The following NAALADL2 variants were observed in gnomAD, a reference collection of about 807,000 sequenced individuals.
NAALADL2 encodes the protein inactive N-acetylated-alpha-linked acidic dipeptidase-like protein 2.
NAALADL2 carries 76 observed loss-of-function variants against 87.2 expected under a neutral mutation model. That is an observed-to-expected ratio of 0.87 (90% CI 0.72 to 1.05). The LOEUF (loss-of-function observed/expected upper bound fraction) is 1.05. Among genes scored for constraint, NAALADL2 ranks in the 50% least tolerant of loss-of-function variants. The pLI is 0.00. For synonymous variants in NAALADL2, 354 were observed against 331.0 expected (o/e 1.07, Z -0.75); for missense variants, 1,089 against 945.8 (o/e 1.15, Z -1.99).
chr3:174,652,804 G>A (rs968559216), intron 2 of NAALADL2, among the ~76,000 whole-genome samples: 2 of 151,944 alleles, frequency 1.3e-5, no homozygotes, highest in Non-Finnish European at 2.9e-5. Context: ...ACCACTGAGA[G>A]AAGATATTTA....
At chr3:175,215,352 G>T (rs548878089) in intron 2 of NAALADL2, among the ~76,000 whole-genome samples, 6 of 152,132 alleles carry the variant, frequency 3.9e-5, no homozygotes, top group Non-Finnish European at 7.4e-5. Context: ...CCCAGCACTT[G>T]AATCATACCC....
At chr3:174,557,917 A>G (rs1416900105) in intron 2 of NAALADL2, among the ~76,000 whole-genome samples, 1 of 152,136 alleles carries the variant, frequency 6.6e-6, no homozygotes, top group Non-Finnish European at 1.5e-5. Context: ...TTCCTCCAGC[A>G]ATGATTTGTG....
At chr3:175,193,095 C>G (rs966918056) in intron 2 of NAALADL2, among the ~76,000 whole-genome samples, 1 of 151,752 alleles carries the variant, frequency 6.6e-6, no homozygotes, top group African/African-American at 2.4e-5. Flanking sequence ...CTTTTGTAAT[C>G]TTTATATTTT....
At chr3:175,133,540 C>A (rs376795844) in intron 2 of NAALADL2, among the ~76,000 whole-genome samples, 1 of 152,190 alleles carries the variant, frequency 6.6e-6, no homozygotes, top group Admixed American at 6.5e-5. Context: ...GTCAACACAG[C>A]GAAACCCCGT....
At chr3:174,940,860 C>A in intron 1 of NAALADL2, among the ~76,000 whole-genome samples, 1 of 151,888 alleles carries the variant, frequency 6.6e-6, no homozygotes, top group East Asian at 1.9e-4. Flanking sequence ...GGTAGCATTC[C>A]TTTTCTCATT....
chr3:175,271,722 GA>G (rs1752873091), intron 4 of NAALADL2, among the ~76,000 whole-genome samples: 1 of 152,192 alleles, frequency 6.6e-6, no homozygotes, highest in South Asian at 2.1e-4. Context: ...AACAAGGGGG[GA>G]GGCAGAGGTT....
At chr3:174,535,299 T>A (rs1173301288) in intron 1 of NAALADL2, among the ~76,000 whole-genome samples, 1 of 152,162 alleles carries the variant, frequency 6.6e-6, no homozygotes, top group Non-Finnish European at 1.5e-5. Flanking sequence ...ACTTTTATGG[T>A]CAACCTGAGT....
At chr3:175,351,306 A>G (rs1244834108) in intron 5 of NAALADL2, among the ~76,000 whole-genome samples, 3 of 152,060 alleles carry the variant, frequency 2.0e-5, no homozygotes, top group Admixed American at 6.6e-5. Flanking sequence ...GACACTATAT[A>G]TATGTTCATG....
intron 3 of NAALADL2, among the ~76,000 whole-genome samples, chr3:174,806,151 C>T (rs929143177): frequency 1.4e-4 from 22 of 152,122 alleles, no homozygotes; most frequent in African/African-American, 4.1e-4. Context: ...GGGCTTCTCC[C>T]AAAGCCCATT....
intron 1 of NAALADL2, among the ~76,000 whole-genome samples, chr3:175,075,378 C>A (rs73883340): frequency 0.17 from 25,145 of 152,052 alleles, 2,911 homozygotes; most frequent in African/African-American, 0.32. Flanking sequence ...AAAAAGGAAA[C>A]TACAAAGTAA....
At chr3:174,758,849 A>G (rs1023028135) in intron 3 of NAALADL2, among the ~76,000 whole-genome samples, 4 of 152,214 alleles carry the variant, frequency 2.6e-5, no homozygotes, top group African/African-American at 9.6e-5. Context: ...ATACTGCTGC[A>G]TCCCTAGTTT....
At chr3:174,462,650 A>G (rs111737630) in intron 1 of NAALADL2, among the ~76,000 whole-genome samples, 1 of 152,140 alleles carries the variant, frequency 6.6e-6, no homozygotes, top group East Asian at 1.9e-4. Flanking sequence ...AGGTGTCAAG[A>G]TATGCGTCTT....
At chr3:174,728,860 G>A (rs1448693661) in intron 2 of NAALADL2, among the ~76,000 whole-genome samples, 3 of 152,022 alleles carry the variant, frequency 2.0e-5, no homozygotes, top group East Asian at 1.9e-4. Flanking sequence ...GATGGAGCTG[G>A]CATTGTAAAT....
rs1386080215 is a variant in NAALADL2, at chr3:175,130,800, TTACTG to T, written c.545+33512_545+33516del. ...TTATTCTAGTGGCACACTATTTTGA[TTACTG>T]TAGCTTTGTAATATAGTTTGAAATC... is the stretch of plus-strand genomic sequence containing the variant. On this transcript the variant is annotated intron_variant, in intron 2 of 13. Coordinates refer to ENST00000454872, the MANE Select transcript of NAALADL2 (RefSeq NM_207015.3). Among the ~76,000 whole-genome samples, 3 of 152,342 alleles carry T rather than the reference TTACTG, an allele frequency of 2.0e-5. 1 individual carries two copies. The highest frequency in any genetic ancestry group is 6.8e-3 in the Middle Eastern group (2 of 294).
At chr3:174,818,696 G>A (rs940057) in intron 3 of NAALADL2, among the ~76,000 whole-genome samples, 2,902 of 152,206 alleles carry the variant, frequency 0.019, 101 homozygotes, top group African/African-American at 0.065. Flanking sequence ...AAGATTGACT[G>A]TAAAAAGATT....
At chr3:175,739,441 C>T (rs1312895098) in intron 12 of NAALADL2, among the ~76,000 whole-genome samples, 1 of 152,134 alleles carries the variant, frequency 6.6e-6, no homozygotes, top group East Asian at 1.9e-4. Context: ...TTTTAATTAA[C>T]ATAGGCTAAT....
chr3:175,015,915 A>C (rs913804971), intron 1 of NAALADL2, among the ~76,000 whole-genome samples: 1 of 151,902 alleles, frequency 6.6e-6, no homozygotes, highest in African/African-American at 2.4e-5. Context: ...CATGTGTTTA[A>C]CTTAATTGTT....
intron 9 of NAALADL2, among the ~76,000 whole-genome samples, chr3:175,571,972 G>C (rs977918394): frequency 1.3e-5 from 2 of 152,152 alleles, no homozygotes; most frequent in Non-Finnish European, 2.9e-5. Context: ...AAATTAGTGA[G>C]AGTGGGAAGT....
chr3:174,657,570 C>T (rs1260761131), intron 2 of NAALADL2, among the ~76,000 whole-genome samples: 1 of 152,090 alleles, frequency 6.6e-6, no homozygotes, highest in Admixed American at 6.6e-5. Context: ...ACAGCCTCCC[C>T]CACTATCAAT....
Sources: allele counts gnomAD v4.1 joint callset (sites outside exome capture counted in the v4.1 genomes callset), GRCh38; gene constraint gnomAD v4.1.1; transcripts MANE v1.5; gene names NCBI Gene and HGNC (gene_info 2026-07-23, HGNC 2026-07-21).